Variants in PROX1 observed in about 807,000 individuals in gnomAD.
PROX1 encodes the protein prospero homeobox 1.
PROX1 carries 7 observed loss-of-function variants against 58.8 expected under a neutral mutation model. That is an observed-to-expected ratio of 0.12 (90% CI 0.07 to 0.22). PROX1 has a LOEUF of 0.22. PROX1 is among the 10% of genes least tolerant of loss of function. The pLI is 1.00. For missense variants in PROX1, 675 were observed against 927.8 expected, an observed-to-expected ratio of 0.73 and a Z score of 3.54; for synonymous variants, 350 against 358.3, an observed-to-expected ratio of 0.98 and a Z score of 0.26.
chr1:214,004,449 A>G (rs1663634353), intron 2 of PROX1, among the ~76,000 whole-genome samples: 1 of 152,176 alleles, frequency 6.6e-6, no homozygotes, highest in African/African-American at 2.4e-5. Flanking sequence ...GTCACTCTCA[A>G]AGGAGTTAAC....
upstream of PROX1, among the ~76,000 whole-genome samples, chr1:213,986,762 G>A (rs1034567874): frequency 1.3e-5 from 2 of 152,130 alleles, no homozygotes; most frequent in Admixed American, 1.3e-4. Flanking sequence ...TCATAAACGC[G>A]GCTGCTTTAT....
intron 3 of PROX1, 67 bp downstream of exon 3, chr1:214,005,339 A>G: frequency 8.2e-7 from 1 of 1,212,890 alleles, no homozygotes; most frequent in South Asian, 1.3e-5. Context: ...GAACTCCCGG[A>G]AGTTAATGGA....
Position 213,997,732 on chromosome 1 carries a change from C to A in PROX1, c.1197C>A (p.Asn399Lys), listed in dbSNP as rs761982085. The A allele has an allele frequency of 6.2e-7, 1 of 1,614,090 alleles. No individual in the cohort carries two copies. The highest frequency in any genetic ancestry group is 8.5e-7 in the Non-Finnish European group (1 of 1,179,984). ...CCAGATTTGCAGTCAATGGGGAAAA[C>A]CACAATTTCCACACCGCCAACCAGC... ...PQARFAVNGE[N>K]HNFHTANQRL... Residue 399 changes from asparagine (N) to lysine (K), a missense_variant, in exon 2 of 5, where the codon AAC becomes AAA. By Grantham distance (94) the Asn-to-Lys change is moderately conservative (BLOSUM62 0). Coordinates refer to ENST00000366958, the MANE Select transcript of PROX1 (RefSeq NM_001270616.2). This position sits in a 1 kb window ranked among gnomAD's most constrained non-coding sequence, Gnocchi z 7.1.
chr1:214,010,076 G>T (rs1663854844), intron 3 of PROX1, among the ~76,000 whole-genome samples: 1 of 152,150 alleles, frequency 6.6e-6, no homozygotes, highest in African/African-American at 2.4e-5. Context: ...TCCTTCAGTT[G>T]TCTTTTTAAT....
intron 1 of PROX1, among the ~76,000 whole-genome samples, chr1:213,992,137 T>A (rs1269694539): frequency 1.3e-5 from 2 of 152,226 alleles, no homozygotes; most frequent in African/African-American, 4.8e-5. Context: ...ATTTTAGGCA[T>A]GTCTCAGAAA....
intron 3 of PROX1, among the ~76,000 whole-genome samples, chr1:214,009,931 T>C (rs1663850140): frequency 6.6e-6 from 1 of 152,124 alleles, no homozygotes; most frequent in South Asian, 2.1e-4. Flanking sequence ...GGGCCTGTAG[T>C]CCTTATCTCA....
At chr1:214,032,395 C>T (rs1027571971) in intron 4 of PROX1, among the ~76,000 whole-genome samples, 4 of 145,286 alleles carry the variant, frequency 2.8e-5, no homozygotes, top group Non-Finnish European at 3.0e-5. Flanking sequence ...TTTTAAACTT[C>T]TTTTTTTTTT....
rs562975859 is a variant in PROX1 at position 214,012,746 on chromosome 1, G to A, written c.2028+1031G>A. On this transcript the variant is annotated intron_variant, in intron 4 of 4. Transcript: ENST00000366958. ...TGGCTAGATGCTGTGCCATCTTGAG[G>A]GTAGGAATTTTTTCTCCAACGTCTG... is the stretch of plus-strand genomic sequence containing the variant. Among the ~76,000 whole-genome samples, 3 of 152,286 alleles carry A rather than the reference G, an allele frequency of 2.0e-5. No homozygotes were observed. In the South Asian group the frequency reaches 6.2e-4, roughly 32 times the overall value.
intron 4 of PROX1, among the ~76,000 whole-genome samples, chr1:214,018,267 A>G (rs947463944): frequency 1.3e-5 from 2 of 152,228 alleles, no homozygotes; most frequent in Non-Finnish European, 2.9e-5. Flanking sequence ...TTTAATGACT[A>G]TTCACTCACT....
intron 1 of PROX1, among the ~76,000 whole-genome samples, chr1:213,995,564 A>G (rs894328356): frequency 1.3e-5 from 2 of 152,090 alleles, no homozygotes; most frequent in Non-Finnish European, 2.9e-5. Context: ...GGCAGATTTA[A>G]ACAGAAGGAA....
upstream of PROX1, among the ~76,000 whole-genome samples, chr1:213,987,274 G>T (rs945871551): frequency 2.6e-5 from 4 of 152,004 alleles, no homozygotes; most frequent in Admixed American, 6.5e-5. Flanking sequence ...GAAACCTCTG[G>T]CACCTATTAT....
intron 4 of PROX1, among the ~76,000 whole-genome samples, chr1:214,032,958 C>A (rs967287893): frequency 7.9e-5 from 12 of 152,178 alleles, no homozygotes; most frequent in Admixed American, 3.9e-4. Context: ...CTGCATACAA[C>A]CCCCAAAGAA....
intron 4 of PROX1, among the ~76,000 whole-genome samples, chr1:214,033,633 TC>T (rs1176303074): frequency 6.6e-6 from 1 of 152,218 alleles, no homozygotes; most frequent in Non-Finnish European, 1.5e-5. Flanking sequence ...TGATTATGTT[TC>T]TGTAGCATTT....
At chr1:213,985,863 C>T (rs888009653), upstream of PROX1, 5 of 152,244 alleles carry the variant, frequency 3.3e-5, no homozygotes, top group African/African-American at 1.2e-4. Flanking sequence ...TGCTCTCCGC[C>T]CTTTTAAATG....
At chr1:213,991,847 AT>A (rs765882862) in intron 1 of PROX1, among the ~76,000 whole-genome samples, 2 of 152,314 alleles carry the variant, frequency 1.3e-5, no homozygotes, top group East Asian at 3.9e-4. Flanking sequence ...TAGGTTTCAG[AT>A]TAACAAAAGA....
chr1:213,999,030 A>G (rs1318169787), intron 2 of PROX1, among the ~76,000 whole-genome samples: 2 of 152,236 alleles, frequency 1.3e-5, no homozygotes, highest in Non-Finnish European at 2.9e-5. Context: ...GTCCCAACAT[A>G]CACAAAGCAA....
chr1:213,986,086 A>G (rs2102670355), upstream of PROX1: 1 of 152,354 alleles, frequency 6.6e-6, no homozygotes, highest in Non-Finnish European at 1.5e-5. Context: ...GGACCCAACC[A>G]ATAGAAGCAT....
intron 2 of PROX1, among the ~76,000 whole-genome samples, chr1:213,999,409 T>G (rs990822905): frequency 2.0e-5 from 3 of 152,222 alleles, no homozygotes; most frequent in Non-Finnish European, 2.9e-5. Context: ...ATTGTCTTGA[T>G]GACTAGAGAT....
intron 2 of PROX1, 77 bp downstream of exon 2, chr1:213,998,337 A>G (rs901123594): frequency 1.4e-6 from 2 of 1,437,170 alleles, no homozygotes; most frequent in African/African-American, 2.8e-5. Context: ...CACAATATCT[A>G]GAGTAATGTA....
Sources: allele counts gnomAD v4.1 joint callset (sites outside exome capture counted in the v4.1 genomes callset), GRCh38; gene constraint gnomAD v4.1.1; non-coding constraint Gnocchi (gnomAD v3.1); transcripts MANE v1.5; gene names NCBI Gene and HGNC (gene_info 2026-07-23, HGNC 2026-07-21).